The following ST8SIA6 variants were observed in gnomAD, a reference collection of about 807,000 sequenced individuals.
The protein encoded by ST8SIA6 is alpha-2,8-sialyltransferase 8F.
ST8SIA6 carries 39 observed loss-of-function variants against 33.6 expected under a neutral mutation model. The ratio of observed to expected loss-of-function variants is 1.16; its 90% confidence interval spans 0.90 to 1.52. The LOEUF (loss-of-function observed/expected upper bound fraction) is 1.52, where lower values mean the gene tolerates loss of function less well. ST8SIA6 is among the 40% of genes most tolerant of loss of function. ST8SIA6 has a pLI of 0.00. For missense variants in ST8SIA6, 441 were observed against 443.8 expected, an observed-to-expected ratio of 0.99 and a Z score of 0.06; for synonymous variants, 172 against 167.2, an observed-to-expected ratio of 1.03 and a Z score of -0.22.
intron 4 of ST8SIA6, among the ~76,000 whole-genome samples, chr10:17,334,626 T>C (rs1473823004): frequency 6.6e-6 from 1 of 151,472 alleles, no homozygotes; most frequent in Non-Finnish European, 1.5e-5. Context: ...AAACAATACA[T>C]AATCATTTAT....
chr10:17,326,955 CCCCTCTGAAATA>C (rs1007996577), intron 6 of ST8SIA6, 47 bp downstream of exon 6: 97 of 1,170,648 alleles, frequency 8.3e-5, no homozygotes, highest in Non-Finnish European at 1.1e-4. Context: ...TTACACTATC[CCCCTCTGAAATA>C]CCCAACTGAT....
intron 4 of ST8SIA6, among the ~76,000 whole-genome samples, chr10:17,348,814 C>T (rs74117639): frequency 0.014 from 2,092 of 150,548 alleles, 45 homozygotes; most frequent in African/African-American, 0.048. Flanking sequence ...TGCCCTTAGG[C>T]TTCACCCAGC....
intron 3 of ST8SIA6, among the ~76,000 whole-genome samples, chr10:17,373,066 G>C (rs1588853579): frequency 1.3e-5 from 2 of 152,108 alleles, no homozygotes; most frequent in South Asian, 4.2e-4. Context: ...ACGGCTGCAA[G>C]AAAAAACACA....
At chr10:17,333,912 G>A (rs189830214) in intron 4 of ST8SIA6, among the ~76,000 whole-genome samples, 9 of 149,628 alleles carry the variant, frequency 6.0e-5, no homozygotes, top group Non-Finnish European at 1.3e-4. Flanking sequence ...AGTAAGGACA[G>A]GGTCCAACCA....
chr10:17,338,275 C>T lies in ST8SIA6; in HGVS notation c.378-6723G>A, dbSNP rs367826229. Among the ~76,000 whole-genome samples the T allele has an allele frequency of 2.1e-4, 32 of 152,286 alleles. 1 individual carries two copies. The highest frequency in any genetic ancestry group is 7.5e-4 in the African/African-American group (31 of 41,574). Reference sequence around the variant, plus strand: ...TCTTGAACTCCCGACCTCAGTGATCCGCTCGCCTCGGCCTCCCAAAGTGTT... The same window carrying T: ...TCTTGAACTCCCGACCTCAGTGATCTGCTCGCCTCGGCCTCCCAAAGTGTT... On this transcript the variant is annotated intron_variant, in intron 4 of 7. Coordinates refer to ENST00000377602, the MANE Select transcript of ST8SIA6 (RefSeq NM_001004470.3).
At chr10:17,436,260 C>T (rs749470496) in intron 2 of ST8SIA6, among the ~76,000 whole-genome samples, 1 of 152,244 alleles carries the variant, frequency 6.6e-6, no homozygotes, top group South Asian at 2.1e-4. Flanking sequence ...CTTTAATTCC[C>T]ACATGTTGTG....
At position 17,399,899 on chromosome 10, in the gene ST8SIA6, C is replaced by G. The variant is rs543288084; in HGVS notation, c.201-9279G>C. On this transcript the variant is annotated intron_variant, in intron 2 of 7. Coordinates refer to ENST00000377602, the MANE Select transcript of ST8SIA6 (RefSeq NM_001004470.3). Reference sequence around the variant, plus strand: ...CACCACTGCACTCCAGCCTGGATGACTGAGGGAGATTCTGTCTCAAAAAAA... The same window carrying G: ...CACCACTGCACTCCAGCCTGGATGAGTGAGGGAGATTCTGTCTCAAAAAAA... 2.1e-5 allele frequency among the ~76,000 whole-genome samples: 3 copies of G among 143,534 alleles called. No individual in the cohort carries two copies. The East Asian group carries it at 6.2e-4, about 30-fold the overall frequency. 94.2% of individuals were successfully genotyped at this position (143,534 alleles called of 152,430 possible). A position where few individuals can be genotyped will look rare whatever the true frequency, so the allele number is the denominator to read the frequency against.
intron 2 of ST8SIA6, among the ~76,000 whole-genome samples, chr10:17,408,651 T>G (rs1851351337): frequency 6.6e-6 from 1 of 151,792 alleles, no homozygotes; most frequent in Non-Finnish European, 1.5e-5. Flanking sequence ...CAGAGCGAGA[T>G]TGTCTCAAAA....
chr10:17,360,610 T>C (rs1188328410), intron 3 of ST8SIA6, among the ~76,000 whole-genome samples: 2 of 151,706 alleles, frequency 1.3e-5, no homozygotes, highest in Non-Finnish European at 2.9e-5. Context: ...AAAGTGGAAA[T>C]AGAAGTGATA....
chr10:17,408,238 C>T (rs1344069260), intron 2 of ST8SIA6: 5 of 152,632 alleles, frequency 3.3e-5, no homozygotes, highest in African/African-American at 4.8e-5. Context: ...ACACCCAATC[C>T]AAGAATGTGA....
chr10:17,342,543 A>G (rs111781648), intron 4 of ST8SIA6, among the ~76,000 whole-genome samples: 2,045 of 152,334 alleles, frequency 0.013, 24 homozygotes, highest in Non-Finnish European at 0.022. Flanking sequence ...CAGCTGGGAC[A>G]TGGCTGCGAG....
intron 7 of ST8SIA6, among the ~76,000 whole-genome samples, chr10:17,322,036 G>C (rs1487404648): frequency 6.6e-6 from 1 of 151,792 alleles, no homozygotes; most frequent in African/African-American, 2.4e-5. Context: ...CCAGGAGTTT[G>C]AGGCTGCAGT....
At chr10:17,419,330 G>C (rs536697018) in intron 2 of ST8SIA6, among the ~76,000 whole-genome samples, 3 of 151,962 alleles carry the variant, frequency 2.0e-5, no homozygotes, top group African/African-American at 7.3e-5. Context: ...TCAGGAGTTC[G>C]AGACCAGCCT....
At chr10:17,367,909 G>T (rs1284178029) in intron 3 of ST8SIA6, among the ~76,000 whole-genome samples, 1 of 152,084 alleles carries the variant, frequency 6.6e-6, no homozygotes, top group Admixed American at 6.5e-5. Context: ...ATCTTTAATT[G>T]TCCGAACACA....
chr10:17,368,928 A>C (rs752623252), intron 3 of ST8SIA6, among the ~76,000 whole-genome samples: 2 of 152,174 alleles, frequency 1.3e-5, no homozygotes, highest in Non-Finnish European at 2.9e-5. Context: ...TGGCCTTGCT[A>C]TTCAAAGGGT....
intron 2 of ST8SIA6, among the ~76,000 whole-genome samples, chr10:17,391,561 C>T (rs973451434): frequency 5.3e-5 from 8 of 152,168 alleles, no homozygotes; most frequent in Admixed American, 2.0e-4. Flanking sequence ...CGCTCCCAGT[C>T]GCGTTTATTT....
chr10:17,448,899 C>T (rs1462133059), intron 2 of ST8SIA6, among the ~76,000 whole-genome samples: 1 of 150,170 alleles, frequency 6.7e-6, no homozygotes, highest in Admixed American at 6.6e-5. Flanking sequence ...GGATTACAGG[C>T]GTGAGCCATT....
chr10:17,344,081 G>A (rs1309564097), intron 4 of ST8SIA6, among the ~76,000 whole-genome samples: 1 of 152,120 alleles, frequency 6.6e-6, no homozygotes, highest in East Asian at 1.9e-4. Flanking sequence ...ACTGAGACTT[G>A]GACACAGGCA....
At chr10:17,401,875 G>A (rs1173593676) in intron 2 of ST8SIA6, among the ~76,000 whole-genome samples, 3,546 of 150,594 alleles carry the variant, frequency 0.024, 50 homozygotes, top group South Asian at 0.045. Context: ...GGCATGGGCA[G>A]GGACTTCATG....
Sources: allele counts gnomAD v4.1 joint callset (sites outside exome capture counted in the v4.1 genomes callset), GRCh38; gene constraint gnomAD v4.1.1; transcripts MANE v1.5; gene names NCBI Gene and HGNC (gene_info 2026-07-23, HGNC 2026-07-21).